The following LCLAT1 variants were observed in gnomAD, a reference collection of about 807,000 sequenced individuals.
LCLAT1 encodes the protein 1-AGP acyltransferase 8.
In LCLAT1, 11 loss-of-function variants were observed where a neutral mutation model predicts 30.7. The ratio of observed to expected loss-of-function variants is 0.36; its 90% CI spans 0.23 to 0.59. The LOEUF (loss-of-function observed/expected upper bound fraction) is 0.59, where lower values mean the gene tolerates loss of function less well. Among genes scored for constraint, LCLAT1 ranks in the 20% least tolerant of loss-of-function variants. The probability of loss-of-function intolerance (pLI) is 0.77; values close to 1 mark genes in which losing one functional copy is unlikely to be tolerated. For missense variants in LCLAT1, 402 were observed against 458.6 expected (o/e 0.88, Z 1.13); for synonymous variants, 155 against 151.3 (o/e 1.02, Z -0.18).
chr2:30,492,347 G>T (rs1683878102), intron 1 of LCLAT1, among the ~76,000 whole-genome samples: 1 of 152,132 alleles, frequency 6.6e-6, no homozygotes, highest in African/African-American at 2.4e-5. Flanking sequence ...TGTAGGATGG[G>T]GTTGAATTTC....
At chr2:30,448,764 G>C (rs972170298) in intron 1 of LCLAT1, among the ~76,000 whole-genome samples, 8 of 152,128 alleles carry the variant, frequency 5.3e-5, no homozygotes, top group African/African-American at 1.7e-4. Context: ...GTTTGTCCTG[G>C]GGTTGAGGTT....
rs565266489 is a variant in LCLAT1, at chr2:30,614,305, G to C, written c.629-25812G>C. On this transcript the variant is annotated intron_variant, in intron 5 of 5. Transcript: ENST00000379509. Reference sequence around the variant, plus strand: ...CACACGTTTCAGAGAGCACGGGGTTGGGGGTAAGGTTATAGATTAACAGAA... The same window carrying C: ...CACACGTTTCAGAGAGCACGGGGTTCGGGGTAAGGTTATAGATTAACAGAA... Among the ~76,000 whole-genome samples the C allele has an allele frequency of 9.7e-3, 1,369 of 140,632 alleles. 21 individuals are homozygous for C. The highest frequency in any genetic ancestry group is 0.035 in the African/African-American group (1,288 of 37,162). The allele number at this position is 140,632 out of a possible 152,430, so 92.3% of individuals were successfully genotyped here. A position where few individuals can be genotyped will look rare whatever the true frequency, so the allele number is the denominator to read the frequency against.
intron 5 of LCLAT1, among the ~76,000 whole-genome samples, chr2:30,574,791 G>A (rs1665924146): frequency 6.6e-6 from 1 of 152,202 alleles, no homozygotes; most frequent in East Asian, 1.9e-4. Flanking sequence ...GCGCTGCAGA[G>A]TCAAGAGCTA....
chr2:30,476,188 G>T (rs190283216), intron 1 of LCLAT1, among the ~76,000 whole-genome samples: 1 of 152,300 alleles, frequency 6.6e-6, no homozygotes, highest in African/African-American at 2.4e-5. Context: ...AGCTGCTGAA[G>T]ACAGTTTACT....
rs115816879 is a variant in LCLAT1, at chr2:30,482,775, A to G, written c.-5+35392A>G. On this transcript the variant is annotated intron_variant, in intron 1 of 5. Coordinates refer to ENST00000379509, the MANE Select transcript of LCLAT1 (RefSeq NM_001002257.3). Reference sequence around the variant, plus strand: ...GTCAACATTGTGAAACCCTGTCCCTATTAAAAAAAAAAAAAGCAAAACCCA... The same window carrying G: ...GTCAACATTGTGAAACCCTGTCCCTGTTAAAAAAAAAAAAAGCAAAACCCA... Among the ~76,000 whole-genome samples the G allele has an allele frequency of 6.7e-3, 1,008 of 151,516 alleles. 10 individuals carry two copies. The highest frequency in any genetic ancestry group is 0.023 in the African/African-American group (956 of 41,286).
intron 3 of LCLAT1, among the ~76,000 whole-genome samples, chr2:30,539,432 T>A (rs1021242154): frequency 6.6e-5 from 10 of 151,956 alleles, no homozygotes; most frequent in Non-Finnish European, 1.2e-4. Flanking sequence ...CTAATTTTTT[T>A]AAAAATGAAA....
intron 3 of LCLAT1, among the ~76,000 whole-genome samples, chr2:30,544,497 TATAAAA>T (rs1664304587): frequency 6.6e-6 from 1 of 152,314 alleles, no homozygotes; most frequent in South Asian, 2.1e-4. Flanking sequence ...TTTCTCAAAA[TATAAAA>T]ATATTCTGTT....
intron 1 of LCLAT1, among the ~76,000 whole-genome samples, chr2:30,458,617 T>G (rs922639760): frequency 6.6e-6 from 1 of 152,188 alleles, no homozygotes; most frequent in Non-Finnish European, 1.5e-5. Flanking sequence ...TTGTTTTACT[T>G]AAGTGTTTTA....
At chr2:30,523,646 G>A (rs907669084) in intron 1 of LCLAT1, among the ~76,000 whole-genome samples, 1 of 152,196 alleles carries the variant, frequency 6.6e-6, no homozygotes, top group Non-Finnish European at 1.5e-5. Context: ...GAGGCGAGCA[G>A]ATCATGAGGT....
chr2:30,603,261 C>A lies in LCLAT1; in HGVS notation c.628+35085C>A, dbSNP rs558847482. Reference sequence around the variant, plus strand: ...GAGAATAAATTAGCAAGAAATTATTCAATGAATAATTTTAGAATTTTAAAA... The same window carrying A: ...GAGAATAAATTAGCAAGAAATTATTAAATGAATAATTTTAGAATTTTAAAA... On this transcript the variant is annotated intron_variant, in intron 5 of 5. Transcript: ENST00000379509. Among the ~76,000 whole-genome samples the A allele has an allele frequency of 3.3e-5, 5 of 151,856 alleles. No homozygotes were observed. In the South Asian group the frequency reaches 1.0e-3, roughly 32 times the overall value.
At chr2:30,491,792 T>A (rs1683842522) in intron 1 of LCLAT1, among the ~76,000 whole-genome samples, 1 of 152,210 alleles carries the variant, frequency 6.6e-6, no homozygotes, top group African/African-American at 2.4e-5. Context: ...TTTTGTAAGT[T>A]ATATGTAGAT....
intron 1 of LCLAT1, among the ~76,000 whole-genome samples, chr2:30,509,850 C>A (rs1295364676): frequency 6.6e-6 from 1 of 152,160 alleles, no homozygotes; most frequent in Non-Finnish European, 1.5e-5. Context: ...AGGCATAAGC[C>A]ACGACGCCCA....
chr2:30,488,820 G>A (rs1333809000), intron 1 of LCLAT1, among the ~76,000 whole-genome samples: 1 of 152,192 alleles, frequency 6.6e-6, no homozygotes, highest in African/African-American at 2.4e-5. Context: ...TGTCCTCAAT[G>A]TCTGTTTCCA....
At chr2:30,621,014 T>C (rs1196862987) in intron 5 of LCLAT1, among the ~76,000 whole-genome samples, 1 of 152,166 alleles carries the variant, frequency 6.6e-6, no homozygotes, top group African/African-American at 2.4e-5. Flanking sequence ...TCCACGATGA[T>C]CTCATCTCAA....
At chr2:30,499,095 T>C (rs1024100918) in intron 1 of LCLAT1, among the ~76,000 whole-genome samples, 4 of 152,304 alleles carry the variant, frequency 2.6e-5, no homozygotes, top group Admixed American at 2.6e-4. Flanking sequence ...TTTCGGATGA[T>C]ATTCTTTAAC....
intron 3 of LCLAT1, among the ~76,000 whole-genome samples, chr2:30,536,015 A>T (rs1323510573): frequency 3.3e-5 from 5 of 149,824 alleles, no homozygotes; most frequent in African/African-American, 1.2e-4. Flanking sequence ...TAAATGAAAT[A>T]AAAATAAAAT....
At chr2:30,598,414 C>CTTTTTTTTTTTTTTTTTTTTT (rs58514140) in intron 5 of LCLAT1, among the ~76,000 whole-genome samples, 1 of 135,948 alleles carries the variant, frequency 7.4e-6, no homozygotes. Flanking sequence ...TCTAGATTTT[C>CTTTTTTTTTTTTTTTTTTTTT]TTTTTTTTTT....
At chr2:30,478,786 A>G (rs747685574) in intron 1 of LCLAT1, among the ~76,000 whole-genome samples, 1 of 152,218 alleles carries the variant, frequency 6.6e-6, no homozygotes, top group Non-Finnish European at 1.5e-5. Context: ...CAGAAACTAC[A>G]GTAATCTTTG....
At chr2:30,547,631 G>A (rs1292281760) in intron 3 of LCLAT1, among the ~76,000 whole-genome samples, 5 of 151,940 alleles carry the variant, frequency 3.3e-5, no homozygotes, top group African/African-American at 1.2e-4. Flanking sequence ...TTCTGCTTGT[G>A]GACAGTATTG....
Sources: gnomAD v4.1 joint callset for allele counts (sites outside exome capture counted in the v4.1 genomes callset) on GRCh38, gnomAD v4.1.1 for gene constraint, MANE v1.5 for transcripts, NCBI Gene and HGNC (gene_info 2026-07-23, HGNC 2026-07-21) for gene names.